Variants in KLHL29 observed in about 807,000 individuals in gnomAD.
KLHL29 encodes the protein kelch like family member 29, also known as kelch-like protein 29.
In KLHL29, 21 loss-of-function variants were observed where a neutral mutation model predicts 80.4. The ratio of observed to expected loss-of-function variants is 0.26; its 90% CI spans 0.19 to 0.38. The LOEUF is 0.38. Among genes scored for constraint, KLHL29 ranks in the 10% least tolerant of loss-of-function variants. KLHL29 has a pLI of 1.00. For synonymous variants in KLHL29, 511 were observed against 526.8 expected, an observed-to-expected ratio of 0.97 and a Z score of 0.41; for missense variants, 867 against 1,223.9, an observed-to-expected ratio of 0.71 and a Z score of 4.35.
intron 1 of KLHL29, among the ~76,000 whole-genome samples, chr2:23,471,988 G>A (rs1423229729): frequency 6.6e-6 from 1 of 152,156 alleles, no homozygotes; most frequent in Admixed American, 6.5e-5. Context: ...ATGCTTAGGT[G>A]CATGGATGTA....
In KLHL29 at chr2:23,669,526, C is replaced by G. The variant is rs1382642593; in HGVS notation, c.941-14873C>G. Reference sequence around the variant, plus strand: ...CCTAGGGCAGAAAGCCAGATTGTTGCATCACTTCTGCCCCCTGCACAGGGC... The same window carrying G: ...CCTAGGGCAGAAAGCCAGATTGTTGGATCACTTCTGCCCCCTGCACAGGGC... On this transcript the variant is annotated intron_variant, in intron 5 of 13. Coordinates refer to ENST00000486442, the MANE Select transcript of KLHL29 (RefSeq NM_052920.2). This position sits in a 1 kb window ranked among gnomAD's most constrained non-coding sequence, Gnocchi z 4.3. 3 of 152,348 alleles carry G rather than the reference C, an allele frequency of 2.0e-5. No homozygotes were observed. The highest frequency in any genetic ancestry group is 7.2e-5 in the African/African-American group (3 of 41,468). The allele number at this position is 152,348 out of a possible 1,614,324, so 9.4% of individuals were successfully genotyped here.
At chr2:23,480,966 CT>C (rs1259995257) in intron 2 of KLHL29, among the ~76,000 whole-genome samples, 8 of 152,206 alleles carry the variant, frequency 5.3e-5, no homozygotes, top group African/African-American at 1.9e-4. Flanking sequence ...ACATATTCTT[CT>C]CCCGAGCCAC....
At chr2:23,674,244 T>C (rs972243427) in intron 5 of KLHL29, among the ~76,000 whole-genome samples, 36 of 137,386 alleles carry the variant, frequency 2.6e-4, no homozygotes, top group Non-Finnish European at 3.6e-4. Context: ...CACCCGCCCC[T>C]CCCCCCGCCA....
intron 2 of KLHL29, among the ~76,000 whole-genome samples, chr2:23,504,748 C>T (rs1353154180): frequency 6.6e-6 from 1 of 152,240 alleles, no homozygotes; most frequent in African/African-American, 2.4e-5. Context: ...GCTGGCTGTC[C>T]TCGAGCCAGC....
chr2:23,563,112 G>A (rs546711917), intron 3 of KLHL29, among the ~76,000 whole-genome samples: 2 of 152,380 alleles, frequency 1.3e-5, no homozygotes, highest in Admixed American at 1.3e-4. Context: ...TGTCCCCACA[G>A]CTGGCTTCAG....
chr2:23,390,702 A>G lies in KLHL29; in HGVS notation c.-154+4922A>G, dbSNP rs575041782. 7.7e-5 allele frequency among the ~76,000 whole-genome samples: 10 copies of G among 129,116 alleles called. 1 individual carries two copies. The East Asian group carries it at 2.3e-3, about 30-fold the overall frequency. The allele number at this position is 129,116 out of a possible 152,430, so 84.7% of individuals were successfully genotyped here. On this transcript the variant is annotated intron_variant, in intron 1 of 13. Coordinates refer to ENST00000486442, the MANE Select transcript of KLHL29 (RefSeq NM_052920.2). ...AGTTTCACTCTGTCACTCAGGCTGG[A>G]GTGCAATGACACAATCTTGGCTCGC...
intron 3 of KLHL29, among the ~76,000 whole-genome samples, chr2:23,638,051 A>AT (rs368436899): frequency 0.022 from 2,815 of 127,902 alleles, 102 homozygotes; most frequent in African/African-American, 0.078. Flanking sequence ...TGTATCCAGG[A>AT]TTTTTTTTTT....
intron 3 of KLHL29, among the ~76,000 whole-genome samples, chr2:23,609,774 G>T (rs985986277): frequency 6.6e-6 from 1 of 152,150 alleles, no homozygotes; most frequent in African/African-American, 2.4e-5. Context: ...AACAAAACCC[G>T]TGAGGTAGTG....
chr2:23,528,039 A>T (rs1354591136), intron 2 of KLHL29, among the ~76,000 whole-genome samples: 4 of 152,174 alleles, frequency 2.6e-5, no homozygotes, highest in Non-Finnish European at 5.9e-5. Flanking sequence ...CTCTTTTGGG[A>T]AAAGAAAAAC....
At chr2:23,526,174 A>T (rs1190583128) in intron 2 of KLHL29, among the ~76,000 whole-genome samples, 1 of 152,210 alleles carries the variant, frequency 6.6e-6, no homozygotes, top group Non-Finnish European at 1.5e-5. Context: ...CCTTTGTTCT[A>T]GAGGAAGCTG....
chr2:23,486,343 C>T (rs375254801), intron 2 of KLHL29, among the ~76,000 whole-genome samples: 7 of 152,078 alleles, frequency 4.6e-5, no homozygotes, highest in African/African-American at 1.4e-4. Context: ...ATGGGCCATC[C>T]GAGATGCTGG....
intron 1 of KLHL29, among the ~76,000 whole-genome samples, chr2:23,414,043 A>T (rs1666927027): frequency 6.6e-6 from 1 of 152,246 alleles, no homozygotes; most frequent in African/African-American, 2.4e-5. Context: ...TGTTCCCCAG[A>T]TGGAGTCCAT....
At position 23,436,637 on chromosome 2, in the gene KLHL29, G is replaced by C. The variant is rs141132005; in HGVS notation, c.-153-38923G>C. ...TCAGCGCTGCGAAGCGGGAAGAGGAGCCCTGACGATTCTGAGGGTCTCAGG... is the reference window on the plus strand; with the variant it reads ...TCAGCGCTGCGAAGCGGGAAGAGGACCCCTGACGATTCTGAGGGTCTCAGG... On this transcript the variant is annotated intron_variant, in intron 1 of 13. Transcript: ENST00000486442. 7.9e-5 allele frequency among the ~76,000 whole-genome samples: 12 copies of C among 152,336 alleles called. No individual in the cohort carries two copies. The South Asian group carries it at 2.3e-3, about 29-fold the overall frequency.
intron 1 of KLHL29, among the ~76,000 whole-genome samples, chr2:23,424,934 C>T (rs1460404685): frequency 6.6e-6 from 1 of 152,130 alleles, no homozygotes; most frequent in Non-Finnish European, 1.5e-5. Context: ...AGCTGATGCA[C>T]ATAATTAAGT....
rs73919768 is a variant in KLHL29, at chr2:23,578,170, G to A, written c.285+15689G>A. ...TTTGAGAGGCAGTCAGGGCCAAGAGGTTTCTCTGCATGCAGGTGAAACCGT... is the reference window on the plus strand; with the variant it reads ...TTTGAGAGGCAGTCAGGGCCAAGAGATTTCTCTGCATGCAGGTGAAACCGT... On this transcript the variant is annotated intron_variant, in intron 3 of 13. Coordinates refer to ENST00000486442, the MANE Select transcript of KLHL29 (RefSeq NM_052920.2). Among the ~76,000 whole-genome samples the A allele has an allele frequency of 5.5e-3, 845 of 152,272 alleles. 4 individuals carry two copies. Among genetic ancestry groups the A allele is most frequent in the African/African-American group, 0.019 (793 of 41,540 alleles).
chr2:23,452,430 C>T (rs1663909748), intron 1 of KLHL29, among the ~76,000 whole-genome samples: 1 of 152,080 alleles, frequency 6.6e-6, no homozygotes, highest in Non-Finnish European at 1.5e-5. Context: ...CCCACCAAGC[C>T]CCACCTCCAA....
intron 2 of KLHL29, among the ~76,000 whole-genome samples, chr2:23,476,390 T>C (rs1664642708): frequency 6.6e-6 from 1 of 152,210 alleles, no homozygotes; most frequent in Non-Finnish European, 1.5e-5. Flanking sequence ...GCTAAAAGTA[T>C]ATAAATGACT....
chr2:23,529,301 A>G (rs972100304), intron 2 of KLHL29, among the ~76,000 whole-genome samples: 1 of 152,002 alleles, frequency 6.6e-6, no homozygotes. Flanking sequence ...TTCTGTAGAG[A>G]TGGGGGTCTT....
At chr2:23,590,909 C>T (rs1478912295) in intron 3 of KLHL29, among the ~76,000 whole-genome samples, 1 of 152,144 alleles carries the variant, frequency 6.6e-6, no homozygotes, top group African/African-American at 2.4e-5. Flanking sequence ...GTGAGAGGCC[C>T]TGATCGCCAC....
Sources: gnomAD v4.1 joint callset for allele counts (sites outside exome capture counted in the v4.1 genomes callset) on GRCh38, gnomAD v4.1.1 for gene constraint, Gnocchi (gnomAD v3.1) non-coding constraint, MANE v1.5 for transcripts, NCBI Gene and HGNC (gene_info 2026-07-23, HGNC 2026-07-21) for gene names.